The following TIMM17A variants were observed in gnomAD, a reference collection of about 807,000 sequenced individuals.
TIMM17A encodes translocase of inner mitochondrial membrane 17A, also known as mitochondrial import inner membrane translocase subunit Tim17-A.
Under a neutral mutation model 26.5 loss-of-function variants are expected in TIMM17A, and 15 were observed. That is an observed-to-expected ratio of 0.57 (90% CI 0.38 to 0.87). The LOEUF (loss-of-function observed/expected upper bound fraction) is 0.87, where lower values mean the gene tolerates loss of function less well. TIMM17A is among the 40% of genes least tolerant of loss of function. TIMM17A has a pLI of 0.00. For missense variants in TIMM17A, 201 were observed against 210.0 expected, an observed-to-expected ratio of 0.96 and a Z score of 0.27; for synonymous variants, 80 against 70.8, an observed-to-expected ratio of 1.13 and a Z score of -0.66.
At chr1:201,958,653 A>C (rs567273232) in intron 3 of TIMM17A, among the ~76,000 whole-genome samples, 1 of 152,318 alleles carries the variant, frequency 6.6e-6, no homozygotes, top group Admixed American at 6.5e-5. Flanking sequence ...GTGAGATTGC[A>C]CCACTGCACT....
intron 3 of TIMM17A, chr1:201,962,451 A>T (rs976123555): frequency 5.9e-5 from 9 of 152,202 alleles, no homozygotes; most frequent in African/African-American, 1.9e-4. Flanking sequence ...GGTTCACACC[A>T]TTCTCCTGCC....
chr1:201,969,292 T>C lies in TIMM17A; in HGVS notation c.431-177T>C, dbSNP rs1682690575. The stretch of plus-strand genomic sequence containing the variant: ...AGTCTGTCATATGTTATACCAAATT[T>C]GAAGGTTCTCCAGTACTCTTATGGG... On this transcript the variant is annotated intron_variant, in intron 5 of 5. Transcript: ENST00000367287. Among the ~76,000 whole-genome samples the C allele has an allele frequency of 1.3e-5, 2 of 152,204 alleles. 1 individual carries two copies. The highest frequency in any genetic ancestry group is 4.1e-4 in the South Asian group (2 of 4,828).
chr1:201,965,667 T>C, intron 5 of TIMM17A, 124 bp downstream of exon 5: 1 of 695,884 alleles, frequency 1.4e-6, no homozygotes, highest in Non-Finnish European at 2.4e-6. Flanking sequence ...TCATGAGGAC[T>C]GTGATAATAG....
intron 5 of TIMM17A, among the ~76,000 whole-genome samples, chr1:201,967,735 G>T (rs1369682508): frequency 6.6e-6 from 1 of 151,510 alleles, no homozygotes. Flanking sequence ...TAGAGATGAG[G>T]TCTCTGCCCA....
chr1:201,968,654 G>A (rs1558252467), intron 5 of TIMM17A, among the ~76,000 whole-genome samples: 2 of 152,036 alleles, frequency 1.3e-5, no homozygotes, highest in South Asian at 4.1e-4. Flanking sequence ...GATTACAGGC[G>A]AGAGCCACCG....
intron 5 of TIMM17A, among the ~76,000 whole-genome samples, chr1:201,966,986 A>T (rs1212550939): frequency 5.5e-5 from 3 of 54,250 alleles, no homozygotes; most frequent in African/African-American, 1.7e-4. Flanking sequence ...TGTATATTAT[A>T]TATGTTGTGT....
chr1:201,956,087 G>A (rs1370817133), intron 1 of TIMM17A, among the ~76,000 whole-genome samples: 1 of 152,148 alleles, frequency 6.6e-6, no homozygotes, highest in Non-Finnish European at 1.5e-5. Flanking sequence ...TCTTTATTGC[G>A]TGGGGCCTTG....
chr1:201,958,252 C>T (rs1001772832), intron 3 of TIMM17A, among the ~76,000 whole-genome samples: 1 of 152,104 alleles, frequency 6.6e-6, no homozygotes, highest in Non-Finnish European at 1.5e-5. Context: ...CCCATCAAGC[C>T]GATTGGGCTC....
chr1:201,967,081 C>T (rs982422774), intron 5 of TIMM17A, among the ~76,000 whole-genome samples: 43 of 148,064 alleles, frequency 2.9e-4, no homozygotes, highest in South Asian at 6.4e-4. Flanking sequence ...GAAAAAAATA[C>T]GTAGAATAGT....
At chr1:201,955,891 C>G (rs930676466) in intron 1 of TIMM17A, among the ~76,000 whole-genome samples, 9 of 152,208 alleles carry the variant, frequency 5.9e-5, no homozygotes, top group African/African-American at 2.2e-4. Flanking sequence ...CCCCCCTGTT[C>G]GTCGAGGTGA....
intron 5 of TIMM17A, 89 bp from the exon 6 acceptor site, chr1:201,969,380 T>G: frequency 1.9e-6 from 2 of 1,036,930 alleles, no homozygotes; most frequent in Non-Finnish European, 2.9e-6. Flanking sequence ...TTTTTTGTTG[T>G]TGATTGATTT....
intron 5 of TIMM17A, 115 bp from the exon 6 acceptor site, chr1:201,969,354 C>T (rs58623305): frequency 0.43 from 355,149 of 819,178 alleles, 79,958 homozygotes; most frequent in South Asian, 0.5. Flanking sequence ...AGGGTTATAG[C>T]TTTAATTTAG....
Position 201,963,639 on chromosome 1 carries a change from C to T in TIMM17A, c.214C>T (p.Leu72=). The T allele has an allele frequency of 1.2e-6, 2 of 1,605,086 alleles. No individual in the cohort carries two copies. The highest frequency in any genetic ancestry group is 1.1e-5 in the South Asian group (1 of 88,726). Residue 72 remains leucine, a synonymous_variant, in exon 4 of 6, where the codon CTG becomes TTG. Coordinates refer to ENST00000367287, the MANE Select transcript of TIMM17A (RefSeq NM_006335.3). ...LGGSFAVWGG[L]FSMIDCSMVQ... ...AGGTAGCTTTGCAGTTTGGGGAGGG[C>T]TGTTTTCCATGATTGACTGTAGTAT...
At chr1:201,956,324 T>TA (rs1237086539) in intron 1 of TIMM17A, among the ~76,000 whole-genome samples, 2 of 152,184 alleles carry the variant, frequency 1.3e-5, no homozygotes, top group Non-Finnish European at 2.9e-5. Context: ...GGGTCATAGG[T>TA]AAAAAATCAA....
At chr1:201,960,176 A>T (rs1002031034) in intron 3 of TIMM17A, among the ~76,000 whole-genome samples, 2 of 152,106 alleles carry the variant, frequency 1.3e-5, no homozygotes, top group African/African-American at 4.8e-5. Flanking sequence ...GAGGCAGTAG[A>T]TTACCTAAGG....
intron 5 of TIMM17A, among the ~76,000 whole-genome samples, chr1:201,966,941 T>G (rs1682639029): frequency 6.8e-6 from 1 of 147,742 alleles, no homozygotes; most frequent in African/African-American, 2.5e-5. Flanking sequence ...GTTGTATATA[T>G]GTTATGTATT....
chr1:201,966,520 A>G (rs908316168), intron 5 of TIMM17A, among the ~76,000 whole-genome samples: 1 of 151,226 alleles, frequency 6.6e-6, no homozygotes, highest in African/African-American at 2.4e-5. Flanking sequence ...AAATGAAAAT[A>G]TCCCTTGACA....
chr1:201,965,643 T>A, intron 5 of TIMM17A, 100 bp downstream of exon 5: 1 of 814,274 alleles, frequency 1.2e-6, no homozygotes, highest in Non-Finnish European at 2.1e-6. Flanking sequence ...TGGTATGTAT[T>A]AATATGCTGT....
intron 5 of TIMM17A, among the ~76,000 whole-genome samples, chr1:201,966,532 T>C (rs1682628596): frequency 1.3e-5 from 2 of 150,450 alleles, no homozygotes; most frequent in African/African-American, 2.5e-5. Context: ...CCCTTGACAA[T>C]GGAAGGATGC....
Sources: allele counts gnomAD v4.1 joint callset (sites outside exome capture counted in the v4.1 genomes callset), GRCh38; gene constraint gnomAD v4.1.1; transcripts MANE v1.5; gene names NCBI Gene and HGNC (gene_info 2026-07-23, HGNC 2026-07-21).